The following TMTC2 variants were observed in gnomAD, a reference collection of about 807,000 sequenced individuals.
TMTC2 encodes protein O-mannosyl-transferase TMTC2.
TMTC2 carries 43 observed loss-of-function variants against 82.4 expected under a neutral mutation model. The observed-to-expected ratio is 0.52, with a 90% CI of 0.41 to 0.67. The LOEUF is 0.67. TMTC2 is among the 30% of genes least tolerant of loss of function. TMTC2 has a pLI of 0.00. For synonymous variants in TMTC2, 408 were observed against 381.9 expected, an observed-to-expected ratio of 1.07 and a Z score of -0.80; for missense variants, 919 against 1,012.4, an observed-to-expected ratio of 0.91 and a Z score of 1.25.
intron 2 of TMTC2, among the ~76,000 whole-genome samples, chr12:82,885,536 ATT>A (rs10645908): frequency 2.1e-5 from 3 of 146,062 alleles, no homozygotes; most frequent in Non-Finnish European, 4.5e-5. Context: ...TGTCTGGCTA[ATT>A]TTTTTTTTTT....
intron 11 of TMTC2, among the ~76,000 whole-genome samples, chr12:83,125,864 T>G (rs1411452046): frequency 1.3e-5 from 2 of 152,176 alleles, no homozygotes; most frequent in Admixed American, 1.3e-4. Context: ...CCTGTTATAT[T>G]AATGCATTTT....
intron 11 of TMTC2, among the ~76,000 whole-genome samples, chr12:83,110,522 C>T (rs1028099377): frequency 2.0e-5 from 3 of 152,164 alleles, no homozygotes; most frequent in South Asian, 2.1e-4. Flanking sequence ...ACCAAAACTG[C>T]TCTTATCAAA....
At position 82,936,887 on chromosome 12, in the gene TMTC2, AT is replaced by A. The variant is rs201515072; in HGVS notation, c.1598+6349del. Reference sequence around the variant, plus strand: ...CCCTAGAGAATTTCCAATTGCACTGATTTTTTTAAATAAGTTATGAAATCCA... The same window carrying A: ...CCCTAGAGAATTTCCAATTGCACTGATTTTTTAAATAAGTTATGAAATCCA... On this transcript the variant is annotated intron_variant, in intron 4 of 11. Coordinates refer to ENST00000321196, the MANE Select transcript of TMTC2 (RefSeq NM_152588.3). Among the ~76,000 whole-genome samples the A allele has an allele frequency of 4.8e-3, 727 of 152,166 alleles. 8 individuals carry two copies. The highest frequency in any genetic ancestry group is 0.016 in the African/African-American group (655 of 41,516).
intron 1 of TMTC2, among the ~76,000 whole-genome samples, chr12:82,822,342 C>G (rs1193077789): frequency 6.6e-6 from 1 of 152,104 alleles, no homozygotes; most frequent in Non-Finnish European, 1.5e-5. Context: ...TCAGTTTTAA[C>G]AAATGTACCA....
intron 11 of TMTC2, among the ~76,000 whole-genome samples, chr12:83,101,944 A>G (rs1884233406): frequency 6.6e-6 from 1 of 152,242 alleles, no homozygotes; most frequent in Admixed American, 6.5e-5. Context: ...TGTCTGGCTT[A>G]AAGATTAACA....
At chr12:83,035,988 G>A (rs560253975) in intron 9 of TMTC2, among the ~76,000 whole-genome samples, 2 of 152,156 alleles carry the variant, frequency 1.3e-5, no homozygotes, top group Non-Finnish European at 2.9e-5. Context: ...AAAGTTAGAA[G>A]GGAGGAGATT....
chr12:82,815,265 C>T (rs748914050), intron 1 of TMTC2, among the ~76,000 whole-genome samples: 1 of 148,168 alleles, frequency 6.7e-6, no homozygotes, highest in African/African-American at 2.5e-5. Context: ...CTCCCGAGTT[C>T]ACGCCATTCT....
intron 7 of TMTC2, 144 bp from the exon 8 acceptor site, chr12:82,985,781 G>T: frequency 9.6e-7 from 1 of 1,045,536 alleles, no homozygotes. Flanking sequence ...ACTTCTTTGG[G>T]AATCAGATGA....
At chr12:83,047,229 T>C (rs995904239) in intron 9 of TMTC2, among the ~76,000 whole-genome samples, 39 of 151,894 alleles carry the variant, frequency 2.6e-4, no homozygotes, top group African/African-American at 9.4e-4. Context: ...GGGAGAGGGG[T>C]GATGTGAGGT....
At chr12:82,944,502 G>A (rs1345873483) in intron 4 of TMTC2, among the ~76,000 whole-genome samples, 1 of 150,862 alleles carries the variant, frequency 6.6e-6, no homozygotes, top group African/African-American at 2.4e-5. Context: ...GCGTGAACCC[G>A]GGAGATGGCG....
chr12:82,706,086 A>G (rs1873337184), intron 1 of TMTC2, among the ~76,000 whole-genome samples: 1 of 152,150 alleles, frequency 6.6e-6, no homozygotes, highest in South Asian at 2.1e-4. Flanking sequence ...AGGTGGGTAG[A>G]TCACCTGAGG....
intron 8 of TMTC2, chr12:82,986,396 A>G (rs1041420626): frequency 2.4e-5 from 4 of 166,204 alleles, no homozygotes; most frequent in African/African-American, 9.5e-5. Flanking sequence ...GAAAATGTTT[A>G]AAAGAATTAA....
chr12:82,801,406 G>C (rs897137087), intron 1 of TMTC2, among the ~76,000 whole-genome samples: 2 of 152,034 alleles, frequency 1.3e-5, no homozygotes, highest in African/African-American at 4.8e-5. Context: ...AAAGAACAAA[G>C]CTTCCACCGT....
intron 1 of TMTC2, among the ~76,000 whole-genome samples, chr12:82,796,051 A>G (rs866880289): frequency 2.6e-5 from 4 of 152,300 alleles, no homozygotes; most frequent in South Asian, 4.1e-4. Flanking sequence ...AACTTAGAAC[A>G]GGGCCAGCCA....
chr12:82,742,701 T>G (rs537610299), intron 1 of TMTC2, among the ~76,000 whole-genome samples: 12 of 152,076 alleles, frequency 7.9e-5, no homozygotes, highest in Non-Finnish European at 1.5e-4. Context: ...TTTTTGTATT[T>G]TTAGTAGAGA....
intron 3 of TMTC2, among the ~76,000 whole-genome samples, chr12:82,902,240 C>T (rs1356675443): frequency 6.7e-6 from 1 of 149,942 alleles, no homozygotes; most frequent in African/African-American, 2.4e-5. Flanking sequence ...GAAGGAAAAC[C>T]CCCAAAAGTT....
intron 1 of TMTC2, among the ~76,000 whole-genome samples, chr12:82,775,188 C>T (rs1276285899): frequency 6.6e-6 from 1 of 152,110 alleles, no homozygotes; most frequent in Non-Finnish European, 1.5e-5. Flanking sequence ...CAATGACTCA[C>T]ACCTGTAATC....
intron 3 of TMTC2, among the ~76,000 whole-genome samples, chr12:82,908,260 G>T (rs1874431008): frequency 6.6e-6 from 1 of 151,924 alleles, no homozygotes; most frequent in African/African-American, 2.4e-5. Context: ...GCTTATTAAA[G>T]GAATATTACC....
rs114369691 is a variant in TMTC2 at position 83,017,483 on chromosome 12, C to T, written c.2071-13315C>T. 2.3e-3 allele frequency among the ~76,000 whole-genome samples: 357 copies of T among 152,232 alleles called. 4 individuals carry two copies. Among genetic ancestry groups the T allele is most frequent in the African/African-American group, 8.2e-3 (341 of 41,518 alleles). On this transcript the variant is annotated intron_variant, in intron 8 of 11. Transcript: ENST00000321196. ...GAGATACTCTACCTTTGATGTGCAC[C>T]GTTACCTTGAAACTGCTTTCGGAAG...
Sources: gnomAD v4.1 joint callset for allele counts (sites outside exome capture counted in the v4.1 genomes callset) on GRCh38, gnomAD v4.1.1 for gene constraint, MANE v1.5 for transcripts, NCBI Gene and HGNC (gene_info 2026-07-23, HGNC 2026-07-21) for gene names.